Variants in LAMP2 observed in about 807,000 individuals in gnomAD.
LAMP2 encodes lysosome associated membrane protein 2, also known as lysosome-associated membrane glycoprotein 2.
A neutral mutation model predicts 25.6 loss-of-function variants in LAMP2; 4 were observed. The observed-to-expected ratio is 0.16, with a 90% CI of 0.08 to 0.36. The LOEUF is 0.36. Among genes scored for constraint, LAMP2 ranks in the 10% least tolerant of loss-of-function variants. The pLI is 1.00. For synonymous variants in LAMP2, 108 were observed against 112.7 expected (o/e 0.96, Z 0.27); for missense variants, 272 against 301.4 (o/e 0.90, Z 0.72).
At chrX:120,458,481 T>C (rs1921194402) in intron 1 of LAMP2, among the ~76,000 whole-genome samples, 1 of 111,442 alleles carries the variant, frequency 9.0e-6, no homozygotes, top group South Asian at 3.7e-4. Flanking sequence ...TTCAAGATAG[T>C]ATACCTGGTG....
Position 120,428,278 on chromosome X carries a change from T to C in LAMP2, c.*3045A>G, listed in dbSNP as rs1325129139. ...GCCACAATTTTTCTTTTAATTATAC[T>C]TTAACAAAGGAAGAAAAAAAACAGA... On this transcript the variant is annotated 3_prime_UTR_variant, in exon 9 of 9. Coordinates refer to ENST00000200639, the MANE Select transcript of LAMP2 (RefSeq NM_002294.3). 2.4e-5 allele frequency: 9 copies of C among 375,398 alleles called. No individual in the cohort carries two copies. Among genetic ancestry groups the C allele is most frequent in the Non-Finnish European group, 3.6e-5 (9 of 247,244 alleles). The allele number at this position is 375,398 out of a possible 1,213,427, so 30.9% of individuals were successfully genotyped here. A position where few individuals can be genotyped will look rare whatever the true frequency, so the allele number is the denominator to read the frequency against.
intron 6 of LAMP2, among the ~76,000 whole-genome samples, chrX:120,444,752 A>T (rs1231910723): frequency 8.9e-6 from 1 of 111,945 alleles, no homozygotes; most frequent in African/African-American, 3.2e-5. Flanking sequence ...CATTACCACT[A>T]AACTGTGGGC....
At chrX:120,462,519 C>CAAAAA (rs199797977) in intron 1 of LAMP2, among the ~76,000 whole-genome samples, 3 of 61,566 alleles carry the variant, frequency 4.9e-5, no homozygotes, top group Non-Finnish European at 8.9e-5. Flanking sequence ...AAGACCCTGT[C>CAAAAA]AAAAAAAAAA....
At chrX:120,448,088 G>C in intron 4 of LAMP2, 63 bp from the exon 5 acceptor site, 1 of 1,043,546 alleles carries the variant, frequency 9.6e-7, no homozygotes, top group Non-Finnish European at 1.3e-6. Context: ...CATAAGGCCA[G>C]GGAAAACCAA....
chrX:120,452,954 CTA>C (rs1262712508), intron 3 of LAMP2, among the ~76,000 whole-genome samples: 3 of 110,252 alleles, frequency 2.7e-5, no homozygotes, highest in Non-Finnish European at 5.7e-5. Flanking sequence ...GAGAGGGAGT[CTA>C]AAGTTTTCCT....
intron 1 of LAMP2, among the ~76,000 whole-genome samples, chrX:120,468,544 A>G (rs1290158515): frequency 9.1e-6 from 1 of 109,685 alleles, no homozygotes; most frequent in Admixed American, 9.8e-5. Flanking sequence ...TCAAATTCCA[A>G]CCTTCAAAAT....
In LAMP2 at chrX:120,469,173, C is replaced by T. The variant is rs200297370; in HGVS notation, c.-4G>A. 41 of 1,210,408 alleles carry T rather than the reference C, an allele frequency of 3.4e-5. No homozygotes were observed. Among genetic ancestry groups the T allele is most frequent in the African/African-American group, 2.3e-4 (13 of 57,530 alleles). The stretch of plus-strand genomic sequence containing the variant: ...GGAAGAGGCGGAAGCACACCATGAC[C>T]CCGCAGAGCAGGCGGCGACGGCGGC... On this transcript the variant is annotated 5_prime_UTR_variant, in exon 1 of 9. Coordinates refer to ENST00000200639, the MANE Select transcript of LAMP2 (RefSeq NM_002294.3).
At chrX:120,443,847 G>A (rs1271438857) in intron 6 of LAMP2, among the ~76,000 whole-genome samples, 1 of 111,193 alleles carries the variant, frequency 9.0e-6, no homozygotes, top group African/African-American at 3.3e-5. Context: ...CAGGCGTGGT[G>A]GCACATGCCT....
chrX:120,429,762 AAT>A lies in LAMP2; in HGVS notation c.*1559_*1560del. ...GGGCAATTTTTATCAAAATGCTAGT[AAT>A]AGTTTTGTTGCCCACTTGATATGGA... is the stretch of plus-strand genomic sequence containing the variant. On this transcript the variant is annotated 3_prime_UTR_variant, in exon 9 of 9. Coordinates refer to ENST00000200639, the MANE Select transcript of LAMP2 (RefSeq NM_002294.3). 3 of 754,223 alleles carry A rather than the reference AAT, an allele frequency of 4.0e-6. No individual in the cohort carries two copies. The East Asian group carries it at 4.5e-4, about 113-fold the overall frequency. 62.2% of individuals were successfully genotyped at this position (754,223 alleles called of 1,213,427 possible). A position where few individuals can be genotyped will look rare whatever the true frequency, so the allele number is the denominator to read the frequency against.
At chrX:120,449,226 C>T (rs2058611181) in intron 3 of LAMP2, 98 bp from the exon 4 acceptor site, 2 of 668,842 alleles carry the variant, frequency 3.0e-6, no homozygotes, top group Non-Finnish European at 4.6e-6. Flanking sequence ...CTCTGCCTGC[C>T]CTACCCCAGG....
intron 8 of LAMP2, among the ~76,000 whole-genome samples, chrX:120,435,160 G>A (rs1190292714): frequency 9.0e-6 from 1 of 111,512 alleles, no homozygotes; most frequent in Non-Finnish European, 1.9e-5. Flanking sequence ...ACAAACAAAC[G>A]AGTCAAAACT....
At chrX:120,436,764 A>G (rs2058546771) in intron 8 of LAMP2, 1 of 702,978 alleles carries the variant, frequency 1.4e-6, no homozygotes, top group South Asian at 7.3e-5. Context: ...AGGAAATAAT[A>G]GTGTAAATAG....
chrX:120,431,446 T>C lies in LAMP2; in HGVS notation c.1110A>G (p.Ala370=). Residue 370 remains alanine (A), a synonymous_variant, in exon 9 of 9, where the codon GCA becomes GCG. Coordinates refer to ENST00000200639, the MANE Select transcript of LAMP2 (RefSeq NM_002294.3). ...TGGGCACAAGGAAGTTGTCGTCATC[T>C]GCACTGCAGTCTTGAGCTAGATGTG... The part of the protein sequence containing the change: ...GKYSTAQDCS[A]DDDNFLVPIA... 2 of 1,209,328 alleles carry C rather than the reference T, an allele frequency of 1.7e-6. No individual in the cohort carries two copies. Among genetic ancestry groups the C allele is most frequent in the East Asian group, 3.0e-5 (1 of 33,845 alleles).
chrX:120,439,307 AAAGT>A (rs2058561008), intron 8 of LAMP2: 1 of 1,188,607 alleles, frequency 8.4e-7, no homozygotes. Context: ...TAGGTGAGAA[AAAGT>A]GTGTAATAAA....
At chrX:120,436,638 C>G (rs1397083587) in intron 8 of LAMP2, 1 of 737,611 alleles carries the variant, frequency 1.4e-6, no homozygotes, top group East Asian at 1.5e-4. Flanking sequence ...GGACCAGTTT[C>G]TTTATACAAA....
At position 120,461,161 on chromosome X, in the gene LAMP2, A is replaced by G. The variant is rs2029937329; in HGVS notation, c.65-4392T>C. Among the ~76,000 whole-genome samples the G allele has an allele frequency of 3.6e-5, 4 of 111,757 alleles. 1 individual carries two copies. Among genetic ancestry groups the G allele is most frequent in the Admixed American group, 1.9e-4 (2 of 10,543 alleles). On this transcript the variant is annotated intron_variant, in intron 1 of 8. Transcript: ENST00000200639. ...TATGCATTATATCCCAGTTCTTTTTAATAAATTCTTTTCTGCTTAAAATCA... is the reference window on the plus strand; with the variant it reads ...TATGCATTATATCCCAGTTCTTTTTGATAAATTCTTTTCTGCTTAAAATCA...
chrX:120,455,070 T>G (rs770737844), intron 3 of LAMP2, among the ~76,000 whole-genome samples: 1 of 103,527 alleles, frequency 9.7e-6, no homozygotes, highest in Non-Finnish European at 2.0e-5. Context: ...TATATGTATA[T>G]ATATACACAT....
Position 120,430,895 on chromosome X carries a change from G to A in LAMP2, c.*428C>T, listed in dbSNP as rs1366639073. On this transcript the variant is annotated 3_prime_UTR_variant, in exon 9 of 9. Coordinates refer to ENST00000200639, the MANE Select transcript of LAMP2 (RefSeq NM_002294.3). ...GAACTTTATGCAAAGGCACATTGAT[G>A]AGTTTAAATCACTATAGTCCTTATA... 5.4e-5 allele frequency: 41 copies of A among 755,978 alleles called. No individual in the cohort carries two copies. The highest frequency in any genetic ancestry group is 6.3e-5 in the Non-Finnish European group (40 of 637,192). 62.3% of individuals were successfully genotyped at this position (755,978 alleles called of 1,213,427 possible).
At chrX:120,447,713 A>C (rs866642179) in intron 5 of LAMP2, 128 bp downstream of exon 5, 11 of 640,979 alleles carry the variant, frequency 1.7e-5, no homozygotes, top group African/African-American at 4.6e-5. Flanking sequence ...CCATCTCAAA[A>C]AAACAAACAA....
Sources: allele counts gnomAD v4.1 joint callset (sites outside exome capture counted in the v4.1 genomes callset), GRCh38; gene constraint gnomAD v4.1.1; transcripts MANE v1.5; gene names NCBI Gene and HGNC (gene_info 2026-07-23, HGNC 2026-07-21).